Variants in CADPS2 observed in about 807,000 individuals in gnomAD.
The protein encoded by CADPS2 is calcium-dependent secretion activator 2.
CADPS2 carries 93 observed loss-of-function variants against 172.5 expected under a neutral mutation model. That is an observed-to-expected ratio of 0.54 (90% CI 0.46 to 0.64). The LOEUF (loss-of-function observed/expected upper bound fraction) is 0.64. Ranked by LOEUF, CADPS2 falls within the 30% of genes least tolerant of loss-of-function variation. The pLI is 0.00. For missense variants in CADPS2, 1,420 were observed against 1,565.9 expected, an observed-to-expected ratio of 0.91 and a Z score of 1.57; for synonymous variants, 546 against 555.2, an observed-to-expected ratio of 0.98 and a Z score of 0.23.
intron 2 of CADPS2, among the ~76,000 whole-genome samples, chr7:122,677,961 G>A (rs1016046126): frequency 6.6e-6 from 1 of 152,182 alleles, no homozygotes; most frequent in Non-Finnish European, 1.5e-5. Context: ...CATGCTCTGT[G>A]TAGGTATAAA....
chr7:122,412,689 T>A (rs1351304840), intron 19 of CADPS2: 2 of 152,218 alleles, frequency 1.3e-5, no homozygotes, highest in African/African-American at 4.8e-5. Flanking sequence ...GGATCTTAAG[T>A]CAATATTTTG....
chr7:122,482,604 G>A (rs1005824319), intron 11 of CADPS2, among the ~76,000 whole-genome samples: 11 of 152,174 alleles, frequency 7.2e-5, no homozygotes, highest in Non-Finnish European at 8.8e-5. Flanking sequence ...TTTATTAAAC[G>A]CTGCACGTTG....
At chr7:122,472,091 G>A (rs1249417129) in intron 13 of CADPS2, among the ~76,000 whole-genome samples, 1 of 152,242 alleles carries the variant, frequency 6.6e-6, no homozygotes, top group East Asian at 1.9e-4. Context: ...CTTTATATTA[G>A]CAGTTTCTGT....
intron 2 of CADPS2, chr7:122,676,838 ATT>A: frequency 1.1e-5 from 6 of 538,744 alleles, no homozygotes; most frequent in South Asian, 6.5e-5. Flanking sequence ...TGGTGACAGT[ATT>A]TTTTTTTTCC....
intron 27 of CADPS2, among the ~76,000 whole-genome samples, chr7:122,349,499 C>T (rs1472767210): frequency 2.6e-5 from 4 of 152,066 alleles, no homozygotes; most frequent in African/African-American, 4.8e-5. Context: ...CTTTTAATCT[C>T]ATTCAGAAAA....
At chr7:122,794,676 C>T (rs2139768759) in intron 1 of CADPS2, among the ~76,000 whole-genome samples, 1 of 151,860 alleles carries the variant, frequency 6.6e-6, no homozygotes, top group East Asian at 1.9e-4. Flanking sequence ...GTTCTTATCA[C>T]CACATGGCAC....
At chr7:122,716,249 A>C (rs1311433433) in intron 2 of CADPS2, among the ~76,000 whole-genome samples, 2 of 152,120 alleles carry the variant, frequency 1.3e-5, no homozygotes, top group Non-Finnish European at 2.9e-5. Context: ...TGTTTTATGA[A>C]AAAAAGCCTG....
At chr7:122,409,499 C>A in intron 19 of CADPS2, 1 of 299,330 alleles carries the variant, frequency 3.3e-6, no homozygotes, top group South Asian at 2.7e-5. Context: ...TTCAGGTTGG[C>A]AAGATTTTGC....
intron 4 of CADPS2, among the ~76,000 whole-genome samples, chr7:122,626,166 A>G (rs573658971): frequency 6.7e-6 from 1 of 149,078 alleles, no homozygotes; most frequent in East Asian, 2.0e-4. Context: ...TTTGCAGGCC[A>G]TTTTAGGAAC....
At chr7:122,389,144 C>T (rs2044055828) in intron 22 of CADPS2, among the ~76,000 whole-genome samples, 1 of 152,002 alleles carries the variant, frequency 6.6e-6, no homozygotes. Context: ...TGCCGTTATT[C>T]ATGCATATGT....
At chr7:122,415,601 C>CAAAAAAAAAAAAAAAA (rs549530021) in intron 18 of CADPS2, among the ~76,000 whole-genome samples, 2 of 64,960 alleles carry the variant, frequency 3.1e-5, no homozygotes, top group African/African-American at 4.8e-5. Flanking sequence ...AATACAGAAC[C>CAAAAAAAAAAAAAAAA]AAAAAAAAAA....
At chr7:122,854,941 A>T (rs1211419694) in intron 1 of CADPS2, among the ~76,000 whole-genome samples, 3 of 152,248 alleles carry the variant, frequency 2.0e-5, no homozygotes, top group Non-Finnish European at 2.9e-5. Context: ...CTAAAAAATT[A>T]GATAATGTTT....
intron 3 of CADPS2, among the ~76,000 whole-genome samples, chr7:122,630,900 T>C (rs909241709): frequency 6.6e-6 from 1 of 152,180 alleles, no homozygotes; most frequent in Non-Finnish European, 1.5e-5. Flanking sequence ...ATCCTTGTTA[T>C]ATAGGAGTTT....
intron 28 of CADPS2, among the ~76,000 whole-genome samples, chr7:122,335,410 G>A (rs1035805982): frequency 1.4e-4 from 21 of 151,880 alleles, no homozygotes; most frequent in African/African-American, 4.8e-4. Context: ...CACCACACCC[G>A]GCTACTTTTT....
chr7:122,672,261 A>G (rs2081945992), intron 2 of CADPS2, among the ~76,000 whole-genome samples: 1 of 152,166 alleles, frequency 6.6e-6, no homozygotes, highest in African/African-American at 2.4e-5. Context: ...AAAGTCAGGT[A>G]AAGTGTGGTT....
chr7:122,777,644 T>C (rs552865805), intron 1 of CADPS2, among the ~76,000 whole-genome samples: 9 of 152,194 alleles, frequency 5.9e-5, no homozygotes, highest in East Asian at 5.8e-4. Context: ...ATTCTCATGA[T>C]AGTGAGCGAG....
chr7:122,646,002 G>T (rs2078511264), intron 3 of CADPS2, among the ~76,000 whole-genome samples: 1 of 151,652 alleles, frequency 6.6e-6, no homozygotes, highest in Admixed American at 6.6e-5. Context: ...CACATTAATA[G>T]TGAATAATGC....
At chr7:122,802,907 T>C (rs949276563) in intron 1 of CADPS2, among the ~76,000 whole-genome samples, 1 of 152,234 alleles carries the variant, frequency 6.6e-6, no homozygotes. Context: ...CAAATTTATG[T>C]GCACAAAAGA....
intron 4 of CADPS2, 141 bp from the exon 5 acceptor site, chr7:122,621,858 GTA>G: frequency 1.7e-6 from 1 of 594,422 alleles, no homozygotes; most frequent in Non-Finnish European, 2.9e-6. Flanking sequence ...TCACTAGGCT[GTA>G]AAATCCTCAG....
Sources: gnomAD v4.1 joint callset for allele counts (sites outside exome capture counted in the v4.1 genomes callset) on GRCh38, gnomAD v4.1.1 for gene constraint, MANE v1.5 for transcripts, NCBI Gene and HGNC (gene_info 2026-07-23, HGNC 2026-07-21) for gene names.